ATP10D: variants seen among roughly 807,000 people sequenced by gnomAD.
ATP10D encodes the protein ATPase phospholipid transporting 10D (putative).
In ATP10D, 89 loss-of-function variants were observed where a neutral mutation model predicts 144.8. The ratio of observed to expected loss-of-function variants is 0.61; its 90% CI spans 0.52 to 0.73. ATP10D has a LOEUF of 0.73. Ranked by LOEUF, ATP10D falls within the 30% of genes least tolerant of loss-of-function variation. The pLI, the probability that ATP10D is intolerant of heterozygous loss-of-function variation, is 0.00. For missense variants in ATP10D, 1,603 were observed against 1,714.8 expected (o/e 0.93, Z 1.15); for synonymous variants, 571 against 615.1 (o/e 0.93, Z 1.06).
In ATP10D at chr4:47,558,401, G is replaced by C. The variant is rs2109448714; in HGVS notation, c.2434+128G>C. 9 of 1,300,864 alleles carry C rather than the reference G, an allele frequency of 6.9e-6. No individual in the cohort carries two copies. In the South Asian group the frequency reaches 1.3e-4, roughly 19 times the overall value. The allele number at this position is 1,300,864 out of a possible 1,614,324, so 80.6% of individuals were successfully genotyped here. ...CTAATCACATTTGGTGAAGTAGGGG[G>C]AAGCTGCCTAGGATTTGATGGGAAA... is the stretch of plus-strand genomic sequence containing the variant. On this transcript the variant is annotated intron_variant, in intron 12 of 22. Transcript: ENST00000273859.
chr4:47,515,951 C>G (rs775036450), intron 3 of ATP10D, among the ~76,000 whole-genome samples: 1 of 152,110 alleles, frequency 6.6e-6, no homozygotes, highest in African/African-American at 2.4e-5. Context: ...ACTTCAGGGC[C>G]GGGCGTGGTG....
chr4:47,496,549 G>T (rs1257309657), intron 1 of ATP10D, among the ~76,000 whole-genome samples: 1 of 152,156 alleles, frequency 6.6e-6, no homozygotes, highest in Admixed American at 6.5e-5. Flanking sequence ...GTCTAGAGAA[G>T]TAAGACAAGT....
In ATP10D at chr4:47,526,729, G is replaced by T. The variant is rs115475762; in HGVS notation, c.776+1087G>T. Among the ~76,000 whole-genome samples the T allele has an allele frequency of 7.6e-3, 1,151 of 152,140 alleles. 17 individuals are homozygous for T. The highest frequency in any genetic ancestry group is 0.026 in the African/African-American group (1,072 of 41,524). On this transcript the variant is annotated intron_variant, in intron 5 of 22. Coordinates refer to ENST00000273859, the MANE Select transcript of ATP10D (RefSeq NM_020453.4). The stretch of plus-strand genomic sequence containing the variant: ...TTGTATTTTAATATGCTAATAATTA[G>T]CAGATATTGAAATTTTTAAACATAC...
In ATP10D at chr4:47,506,774, A is replaced by G. The variant is rs984783555; in HGVS notation, c.-37-5730A>G. On this transcript the variant is annotated intron_variant, in intron 1 of 22. Coordinates refer to ENST00000273859, the MANE Select transcript of ATP10D (RefSeq NM_020453.4). ...CAAAGTTTGTTTTTGTTAATTCTCA[A>G]GACAGGGTTCCTATGGTTGGCAGAG... 3.3e-5 allele frequency among the ~76,000 whole-genome samples: 5 copies of G among 152,198 alleles called. No individual in the cohort carries two copies. In the East Asian group the frequency reaches 9.6e-4, roughly 29 times the overall value.
chr4:47,536,526 G>T lies in ATP10D; in HGVS notation c.1105G>T (p.Gly369Ter). The T allele has an allele frequency of 6.2e-7, 1 of 1,613,524 alleles. No individual in the cohort carries two copies. The highest frequency in any genetic ancestry group is 8.5e-7 in the Non-Finnish European group (1 of 1,179,674). The change falls in exon 8 of 23, where the codon GGA (glycine) becomes TGA (stop). Residue 369 changes from glycine to a stop codon, truncating the protein, a stop_gained. Transcript: ENST00000273859. LOFTEE classifies it high-confidence loss of function. ...ACATATCATATCACCACTGTTGGCA[G>T]GATTTTATATGTTTTGGACCATGAT... is the stretch of plus-strand genomic sequence containing the variant. ...DGHIISPLLA[G>*]FYMFWTMIIL... is the part of the protein sequence containing the mutation.
intron 15 of ATP10D, among the ~76,000 whole-genome samples, chr4:47,564,913 T>C (rs1719525468): frequency 6.6e-6 from 1 of 152,230 alleles, no homozygotes; most frequent in Admixed American, 6.5e-5. Flanking sequence ...GATCACTTCT[T>C]GAGCTTTGCC....
intron 15 of ATP10D, among the ~76,000 whole-genome samples, chr4:47,565,476 CTA>C (rs1399424031): frequency 6.6e-6 from 1 of 152,142 alleles, no homozygotes; most frequent in Non-Finnish European, 1.5e-5. Flanking sequence ...GCTGGTAAGA[CTA>C]GGGATCAAAT....
In ATP10D at chr4:47,569,082, G is replaced by A. The variant is rs751301618; in HGVS notation, c.3099G>A (p.Pro1033=). ...CTGTGGTCTGCTGCCGAGCCACACC[G>A]CTGCAGAAAAGTGAAGTGGTGAAAT... is the stretch of plus-strand genomic sequence containing the variant. ...CQAVVCCRAT[P]LQKSEVVKLV... The change falls in exon 16 of 23, where the codon CCG becomes CCA. Residue 1033 remains proline, a synonymous_variant. Coordinates refer to ENST00000273859, the MANE Select transcript of ATP10D (RefSeq NM_020453.4). The A allele has an allele frequency of 9.3e-6, 15 of 1,614,076 alleles. No homozygotes were observed. Among genetic ancestry groups the A allele is most frequent in the African/African-American group, 2.7e-5 (2 of 74,926 alleles).
At chr4:47,554,396 GC>G (rs1718871907) in intron 10 of ATP10D, among the ~76,000 whole-genome samples, 1 of 152,048 alleles carries the variant, frequency 6.6e-6, no homozygotes, top group Non-Finnish European at 1.5e-5. Context: ...AGAATTCTGG[GC>G]TCAATAAAAT....
chr4:47,590,149 T>C (rs1408491834), intron 22 of ATP10D, among the ~76,000 whole-genome samples: 2 of 152,130 alleles, frequency 1.3e-5, no homozygotes, highest in Non-Finnish European at 2.9e-5. Context: ...AATTGTGTTC[T>C]ACAGTAATAT....
At chr4:47,512,460 C>T (rs1055281810) in intron 1 of ATP10D, 44 bp from the exon 2 acceptor site, 27 of 1,266,386 alleles carry the variant, frequency 2.1e-5, no homozygotes, top group South Asian at 5.8e-5. Context: ...ATCTTTGAGA[C>T]GTTTCAGAAG....
intron 9 of ATP10D, among the ~76,000 whole-genome samples, chr4:47,540,507 C>T (rs1189035365): frequency 1.3e-5 from 2 of 152,086 alleles, no homozygotes; most frequent in Non-Finnish European, 2.9e-5. Flanking sequence ...TAACAAGCCA[C>T]TCCTTTAAAA....
intron 5 of ATP10D, among the ~76,000 whole-genome samples, chr4:47,526,185 A>T (rs114719559): frequency 6.6e-6 from 1 of 152,352 alleles, no homozygotes; most frequent in African/African-American, 2.4e-5. Context: ...AAATCCAGCT[A>T]TGTATGAAAA....
intron 19 of ATP10D, among the ~76,000 whole-genome samples, chr4:47,577,224 C>T (rs1577703607): frequency 6.6e-6 from 1 of 152,212 alleles, no homozygotes; most frequent in African/African-American, 2.4e-5. Context: ...TAATATCTAA[C>T]ATTTACTAAA....
chr4:47,487,005 C>T (rs891501075), intron 1 of ATP10D, among the ~76,000 whole-genome samples: 6 of 151,928 alleles, frequency 3.9e-5, no homozygotes, highest in East Asian at 1.9e-4. Flanking sequence ...CCGAGGCAGG[C>T]GGATCACCTG....
Position 47,591,258 on chromosome 4 carries a change from G to T in ATP10D, c.4158G>T (p.Lys1386Asn). ...GCCCTTCTGCTGTATTTGCAATGAAGTCAGCAAGTTCCTGTGCTATTGAGC... is the reference window on the plus strand; with the variant it reads ...GCCCTTCTGCTGTATTTGCAATGAATTCAGCAAGTTCCTGTGCTATTGAGC... ...MPGPSAVFAMKSASSCAIEQG... is the reference protein window; with the variant it reads ...MPGPSAVFAMNSASSCAIEQG... Residue 1386 changes from lysine (K) to asparagine (N), a missense_variant, in exon 23 of 23, where the codon AAG becomes AAT. By Grantham distance (94) the Lys-to-Asn change is moderately conservative. Coordinates refer to ENST00000273859, the MANE Select transcript of ATP10D (RefSeq NM_020453.4). The T allele has an allele frequency of 1.2e-6, 2 of 1,613,606 alleles. No homozygotes were observed. The highest frequency in any genetic ancestry group is 1.7e-6 in the Non-Finnish European group (2 of 1,179,602).
chr4:47,512,404 T>A, intron 1 of ATP10D, 100 bp from the exon 2 acceptor site: 1 of 737,852 alleles, frequency 1.4e-6, no homozygotes, highest in Non-Finnish European at 2.1e-6. Context: ...GTTGAACCAT[T>A]GGGTCATATA....
At position 47,521,684 on chromosome 4, in the gene ATP10D, C is replaced by T. The variant is rs180723882; in HGVS notation, c.486-1328C>T. On this transcript the variant is annotated intron_variant, in intron 3 of 22. Coordinates refer to ENST00000273859, the MANE Select transcript of ATP10D (RefSeq NM_020453.4). Reference sequence around the variant, plus strand: ...TACTCCTAGATATGGCATGGAGGACCGAACTGTCAAAATAATACCCCTGCC... The same window carrying T: ...TACTCCTAGATATGGCATGGAGGACTGAACTGTCAAAATAATACCCCTGCC... 9.2e-4 allele frequency among the ~76,000 whole-genome samples: 140 copies of T among 152,218 alleles called. 1 individual carries two copies. The highest frequency in any genetic ancestry group is 8.7e-3 in the Admixed American group (133 of 15,280).
chr4:47,576,910 A>C lies in ATP10D; in HGVS notation c.3504A>C (p.Lys1168Asn). ...APPVIYGVLE[K>N]DVSAETLMQL... ...CTGTCATTTATGGTGTTTTGGAGAA[A>C]GATGTGTCTGCAGAGACCCTCATGC... Residue 1168 changes from lysine to asparagine, a missense_variant, in exon 19 of 23, where the codon AAA (lysine) becomes AAC (asparagine). Transcript: ENST00000273859. The C allele has an allele frequency of 1.2e-6, 2 of 1,614,158 alleles. No homozygotes were observed. Among genetic ancestry groups the C allele is most frequent in the Non-Finnish European group, 1.7e-6 (2 of 1,180,028 alleles).
Sources: gnomAD v4.1 joint callset for allele counts (sites outside exome capture counted in the v4.1 genomes callset) on GRCh38, gnomAD v4.1.1 for gene constraint, MANE v1.5 for transcripts, NCBI Gene and HGNC (gene_info 2026-07-23, HGNC 2026-07-21) for gene names.